CLYBL: variants seen among roughly 807,000 people sequenced by gnomAD.
CLYBL encodes citramalyl-CoA lyase.
CLYBL carries 31 observed loss-of-function variants against 38.9 expected under a neutral mutation model. The ratio of observed to expected loss-of-function variants is 0.80; its 90% CI spans 0.60 to 1.08. The LOEUF (loss-of-function observed/expected upper bound fraction) is 1.08. Among genes scored for constraint, CLYBL ranks in the 50% least tolerant of loss-of-function variants. The pLI, the probability that CLYBL is intolerant of heterozygous loss-of-function variation, is 0.00. For synonymous variants in CLYBL, 171 were observed against 158.6 expected, an observed-to-expected ratio of 1.08 and a Z score of -0.59; for missense variants, 434 against 411.6, an observed-to-expected ratio of 1.05 and a Z score of -0.47.
chr13:99,721,143 A>G (rs1221135239), intron 1 of CLYBL, among the ~76,000 whole-genome samples: 3 of 151,588 alleles, frequency 2.0e-5, no homozygotes, highest in Non-Finnish European at 4.4e-5. Context: ...TCCCAGGTTC[A>G]AGCGATTCTC....
chr13:99,697,014 T>C (rs1248900418), intron 1 of CLYBL, among the ~76,000 whole-genome samples: 2 of 152,218 alleles, frequency 1.3e-5, no homozygotes, highest in African/African-American at 4.8e-5. Context: ...CTACTGCTTT[T>C]CCAAACCACA....
intron 7 of CLYBL, among the ~76,000 whole-genome samples, chr13:99,871,390 A>G (rs934690274): frequency 6.6e-6 from 1 of 152,240 alleles, no homozygotes; most frequent in African/African-American, 2.4e-5. Context: ...TCCTAGATCA[A>G]AGTGAGAACA....
chr13:99,685,356 A>G (rs1357373338), intron 1 of CLYBL, among the ~76,000 whole-genome samples: 1 of 152,218 alleles, frequency 6.6e-6, no homozygotes, highest in Non-Finnish European at 1.5e-5. Context: ...CTAATAAAAA[A>G]TTAAAATAAT....
intron 1 of CLYBL, among the ~76,000 whole-genome samples, chr13:99,658,096 A>C (rs950069098): frequency 5.3e-5 from 8 of 152,212 alleles, no homozygotes; most frequent in African/African-American, 1.9e-4. Flanking sequence ...CAGGGACGTC[A>C]TGGACAAAAG....
chr13:99,776,593 C>CTATGATGTGGATTTTGGA (rs2049522992), intron 2 of CLYBL, among the ~76,000 whole-genome samples: 1 of 150,370 alleles, frequency 6.7e-6, no homozygotes, highest in Non-Finnish European at 1.5e-5. Flanking sequence ...CTGTCAAGGT[C>CTATGATGTGGATTTTGGA]TTTTTGGATT....
Position 99,858,022 on chromosome 13 carries a change from C to T in CLYBL, c.250-839C>T, listed in dbSNP as rs151315305. The stretch of plus-strand genomic sequence containing the variant: ...ACCCCCAGTGCTTTCTTTCTCTTGA[C>T]TCCAGCCTCACCCTTTCCATGCACT... On this transcript the variant is annotated intron_variant, in intron 2 of 8. Coordinates refer to ENST00000339105, the MANE Select transcript of CLYBL (RefSeq NM_206808.5). Among the ~76,000 whole-genome samples the T allele has an allele frequency of 4.6e-5, 7 of 152,264 alleles. No individual in the cohort carries two copies. In the East Asian group the frequency reaches 1.4e-3, roughly 29 times the overall value.
chr13:99,820,354 A>G (rs2050563936), intron 2 of CLYBL, among the ~76,000 whole-genome samples: 1 of 152,160 alleles, frequency 6.6e-6, no homozygotes, highest in Non-Finnish European at 1.5e-5. Context: ...ACATGCTCAT[A>G]TTTAAAAATT....
At chr13:99,833,007 C>CATACATAT (rs1189179465) in intron 2 of CLYBL, among the ~76,000 whole-genome samples, 8 of 51,586 alleles carry the variant, frequency 1.6e-4, no homozygotes, top group Admixed American at 3.8e-4. Context: ...TACATACATA[C>CATACATAT]ATATATATAT....
At chr13:99,816,623 C>A (rs1310499967) in intron 2 of CLYBL, among the ~76,000 whole-genome samples, 1 of 152,208 alleles carries the variant, frequency 6.6e-6, no homozygotes, top group Non-Finnish European at 1.5e-5. Flanking sequence ...GACTAGCGCC[C>A]ATATGAAAGA....
Position 99,863,024 on chromosome 13 carries a change from C to T in CLYBL, c.472C>T (p.Arg158Ter), listed in dbSNP as rs767279672. Reference protein sequence around the residue: ...ADKFSFHLKGRKLEQPMNLIP... With the variant: ...ADKFSFHLKG ...CAAATTTTCATTCCACTTAAAAGGCCGAAAACTTGAACAACCAATGAATTT... is the reference window on the plus strand; with the variant it reads ...CAAATTTTCATTCCACTTAAAAGGCTGAAAACTTGAACAACCAATGAATTT... Residue 158 changes from arginine to a stop codon, truncating the protein, a stop_gained, in exon 4 of 9, where the codon CGA (arginine) becomes TGA (stop). Transcript: ENST00000339105. LOFTEE classifies it high-confidence loss of function. 8.7e-6 allele frequency: 14 copies of T among 1,610,580 alleles called. No homozygotes were observed. The highest frequency in any genetic ancestry group is 4.4e-5 in the South Asian group (4 of 90,534).
At chr13:99,664,136 A>C (rs566118645) in intron 1 of CLYBL, among the ~76,000 whole-genome samples, 10 of 152,332 alleles carry the variant, frequency 6.6e-5, no homozygotes, top group South Asian at 6.2e-4. Context: ...TACCAAGATA[A>C]ATCAGTGGTC....
intron 1 of CLYBL, among the ~76,000 whole-genome samples, chr13:99,684,014 G>A (rs183837845): frequency 5.7e-5 from 8 of 140,712 alleles, no homozygotes; most frequent in African/African-American, 1.8e-4. Flanking sequence ...GATTACAGGC[G>A]CATGCCACCA....
rs545361258 is a variant in CLYBL, at chr13:99,769,294, G to A, written c.63-3530G>A. Among the ~76,000 whole-genome samples, 35 of 152,310 alleles carry A rather than the reference G, an allele frequency of 2.3e-4. No homozygotes were observed. In the South Asian group the frequency reaches 3.1e-3, roughly 14 times the overall value. Reference sequence around the variant, plus strand: ...TATTTAATATCCAAGCCTTCCCCGAGAAGTTGCAAGCCTTCAATAGATTCC... The same window carrying A: ...TATTTAATATCCAAGCCTTCCCCGAAAAGTTGCAAGCCTTCAATAGATTCC... On this transcript the variant is annotated intron_variant, in intron 1 of 8. Coordinates refer to ENST00000339105, the MANE Select transcript of CLYBL (RefSeq NM_206808.5).
intron 2 of CLYBL, among the ~76,000 whole-genome samples, chr13:99,774,670 A>C (rs569157339): frequency 6.6e-6 from 1 of 152,320 alleles, no homozygotes; most frequent in South Asian, 2.1e-4. Flanking sequence ...TTAAAGAAAA[A>C]ATTTAATTTC....
intron 1 of CLYBL, among the ~76,000 whole-genome samples, chr13:99,661,809 A>G (rs1449810893): frequency 6.6e-6 from 1 of 152,186 alleles, no homozygotes; most frequent in East Asian, 1.9e-4. Context: ...CTCTAAACAA[A>G]GTCTGATGTG....
In CLYBL at chr13:99,782,369, T is replaced by G. The variant is rs140644777; in HGVS notation, c.249+9359T>G. Among the ~76,000 whole-genome samples the G allele has an allele frequency of 2.6e-3, 403 of 152,128 alleles. 1 individual carries two copies. The highest frequency in any genetic ancestry group is 9.2e-3 in the African/African-American group (382 of 41,526). On this transcript the variant is annotated intron_variant, in intron 2 of 8. Coordinates refer to ENST00000339105, the MANE Select transcript of CLYBL (RefSeq NM_206808.5). ...TGAAAATATAAACATTAGCTGGGCG[T>G]GGTGGTGCGCACCTGTAGTCCCACC...
At chr13:99,856,631 T>G (rs2051465324) in intron 2 of CLYBL, among the ~76,000 whole-genome samples, 2 of 152,030 alleles carry the variant, frequency 1.3e-5, no homozygotes, top group African/African-American at 4.8e-5. Context: ...GTATTTCAGT[T>G]TTTTGGTTTG....
intron 2 of CLYBL, among the ~76,000 whole-genome samples, chr13:99,836,221 G>T (rs1167969514): frequency 6.6e-6 from 1 of 152,162 alleles, no homozygotes; most frequent in Non-Finnish European, 1.5e-5. Context: ...GCCAGGGGGA[G>T]CGTTGGTTGG....
intron 1 of CLYBL, among the ~76,000 whole-genome samples, chr13:99,721,463 CT>C (rs2048391478): frequency 1.3e-5 from 2 of 149,802 alleles, no homozygotes; most frequent in Admixed American, 1.3e-4. Flanking sequence ...TTTTTATTTT[CT>C]TTTTTTAAAT....
Sources: gnomAD v4.1 joint callset for allele counts (sites outside exome capture counted in the v4.1 genomes callset) on GRCh38, gnomAD v4.1.1 for gene constraint, MANE v1.5 for transcripts, NCBI Gene and HGNC (gene_info 2026-07-23, HGNC 2026-07-21) for gene names.